AQR: variants seen among roughly 807,000 people sequenced by gnomAD.
The protein encoded by AQR is aquarius intron-binding spliceosomal factor.
In AQR, 61 loss-of-function variants were observed where a neutral mutation model predicts 180.5. That is an observed-to-expected ratio of 0.34 (90% CI 0.28 to 0.42). The LOEUF (loss-of-function observed/expected upper bound fraction) is 0.42. Ranked by LOEUF, AQR falls within the 10% of genes least tolerant of loss-of-function variation. The probability of loss-of-function intolerance (pLI) is 1.00; values close to 1 mark genes in which losing one functional copy is unlikely to be tolerated. For missense variants in AQR, 1,281 were observed against 1,798.3 expected (o/e 0.71, Z 5.20); for synonymous variants, 551 against 588.8 (o/e 0.94, Z 0.93).
chr15:34,890,602 A>G (rs763618661), intron 23 of AQR, among the ~76,000 whole-genome samples: 1 of 152,196 alleles, frequency 6.6e-6, no homozygotes, highest in African/African-American at 2.4e-5. Flanking sequence ...TCCGAGTTGT[A>G]ACAACTCCTA....
intron 9 of AQR, among the ~76,000 whole-genome samples, chr15:34,936,704 A>C (rs369243431): frequency 6.6e-6 from 1 of 151,520 alleles, no homozygotes; most frequent in East Asian, 1.9e-4. Flanking sequence ...AGACAGAATG[A>C]GACTCCATCT....
At chr15:34,966,533 C>G (rs1032854655) in intron 1 of AQR, among the ~76,000 whole-genome samples, 4 of 152,218 alleles carry the variant, frequency 2.6e-5, no homozygotes, top group African/African-American at 9.6e-5. Flanking sequence ...TCTGGCATTT[C>G]TCACATTAAA....
chr15:34,959,881 C>T (rs1302383539), intron 3 of AQR, among the ~76,000 whole-genome samples: 1 of 152,248 alleles, frequency 6.6e-6, no homozygotes, highest in African/African-American at 2.4e-5. Context: ...TGGCTAATGC[C>T]TGTAATCCCA....
At chr15:34,881,640 A>T (rs574673142) in intron 27 of AQR, among the ~76,000 whole-genome samples, 17 of 152,218 alleles carry the variant, frequency 1.1e-4, no homozygotes, top group Non-Finnish European at 2.4e-4. Flanking sequence ...TTATCATATG[A>T]TGAAACCATT....
intron 14 of AQR, 96 bp downstream of exon 14, chr15:34,920,236 G>T: frequency 3.9e-6 from 3 of 768,056 alleles, no homozygotes; most frequent in Non-Finnish European, 4.1e-6. Flanking sequence ...CCTAATCTTT[G>T]GCCCACAAAA....
At chr15:34,875,572 T>C (rs1339267946) in intron 28 of AQR, among the ~76,000 whole-genome samples, 1 of 151,370 alleles carries the variant, frequency 6.6e-6, no homozygotes, top group Non-Finnish European at 1.5e-5. Flanking sequence ...AGCAATGCAC[T>C]CAGTGAAAAT....
chr15:34,894,839 C>T (rs1893207676), intron 22 of AQR, among the ~76,000 whole-genome samples: 1 of 151,720 alleles, frequency 6.6e-6, no homozygotes, highest in African/African-American at 2.4e-5. Context: ...AAAGCAGCCA[C>T]TAAGAAAACA....
rs1234557058 is a variant in AQR, at chr15:34,969,597, T to A, written c.17A>T (p.Gln6Leu). ...CGTAGGGGCCACGATCTTCTTGGGCTGCGCAGGGGCTGCCATGGCAGCACT... is the reference window on the plus strand; with the variant it reads ...CGTAGGGGCCACGATCTTCTTGGGCAGCGCAGGGGCTGCCATGGCAGCACT... Reference protein sequence around the residue: MAAPAQPKKIVAPTVS... With the variant: MAAPALPKKIVAPTVS... The change falls in exon 1 of 35, where the codon CAG (glutamine) becomes CTG (leucine). Residue 6 changes from glutamine to leucine, a missense_variant. Around this residue, in one of 9 missense-constraint regions of AQR, gnomAD observed 404 missense variants for 490.9 expected, o/e 0.82. Transcript: ENST00000156471. The A allele has an allele frequency of 1.9e-6, 3 of 1,613,564 alleles. No homozygotes were observed. Among genetic ancestry groups the A allele is most frequent in the Non-Finnish European group, 2.5e-6 (3 of 1,180,016 alleles).
chr15:34,932,266 G>T, intron 11 of AQR, 52 bp downstream of exon 11: 4 of 1,475,474 alleles, frequency 2.7e-6, no homozygotes, highest in Non-Finnish European at 3.8e-6. Flanking sequence ...GCAAAGAAAA[G>T]ATCAATTTAG....
At chr15:34,895,187 AATATATATATATATATATATAT>A (rs1180797707) in intron 22 of AQR, among the ~76,000 whole-genome samples, 2 of 12,958 alleles carry the variant, frequency 1.5e-4, no homozygotes, top group African/African-American at 2.3e-4. Flanking sequence ...AAAAAAAAAA[AATATATATATATATATATATAT>A]ATATATATAT....
At position 34,856,630 on chromosome 15, in the gene AQR, A is replaced by T. The variant is rs1892588793; in HGVS notation, c.*162T>A. On this transcript the variant is annotated 3_prime_UTR_variant, in exon 35 of 35. Transcript: ENST00000156471. ...GAAACTAGAATTGTTCATACACATAATTTAAAAAAATATATTCAAGACACC... is the reference window on the plus strand; with the variant it reads ...GAAACTAGAATTGTTCATACACATATTTTAAAAAAATATATTCAAGACACC... 1 of 559,458 alleles carries T rather than the reference A, an allele frequency of 1.8e-6. No homozygotes were observed. Among genetic ancestry groups the T allele is most frequent in the Non-Finnish European group, 2.9e-6 (1 of 344,518 alleles). 34.7% of individuals were successfully genotyped at this position (559,458 alleles called of 1,614,324 possible). A position where few individuals can be genotyped will look rare whatever the true frequency, so the allele number is the denominator to read the frequency against.
chr15:34,869,779 CTCTT>C (rs777100554), intron 31 of AQR: 6 of 152,150 alleles, frequency 3.9e-5, no homozygotes, highest in Non-Finnish European at 8.8e-5. Context: ...TACATTTCAT[CTCTT>C]TCTGAGTTCT....
At chr15:34,931,824 C>G (rs1420255358) in intron 11 of AQR, among the ~76,000 whole-genome samples, 1 of 152,076 alleles carries the variant, frequency 6.6e-6, no homozygotes, top group Non-Finnish European at 1.5e-5. Context: ...ATAAACAAAA[C>G]AAAACAAAAC....
chr15:34,876,186 A>T (rs1033807401), intron 27 of AQR, among the ~76,000 whole-genome samples, 180 bp from the exon 28 acceptor site: 1 of 152,230 alleles, frequency 6.6e-6, no homozygotes, highest in African/African-American at 2.4e-5. Flanking sequence ...CTTACTTATC[A>T]TTATGCCTCT....
At chr15:34,898,804 A>C (rs990910325) in intron 20 of AQR, among the ~76,000 whole-genome samples, 5 of 151,120 alleles carry the variant, frequency 3.3e-5, no homozygotes, top group Admixed American at 6.6e-5. Flanking sequence ...GAATGGCGTG[A>C]ACCCGGGAGG....
At position 34,960,790 on chromosome 15, in the gene AQR, CT is replaced by C; in HGVS notation, c.156del (p.Glu53ArgfsTer12). On this transcript the variant is annotated frameshift_variant, in exon 3 of 35. Coordinates refer to ENST00000156471, the MANE Select transcript of AQR (RefSeq NM_014691.3). LOFTEE classifies it high-confidence loss of function. ...CATTCCTACCTTGATTTGACAATCT[CT>C]TTTTCATATATATCTTCAATAACCT... Reference protein sequence around the residue: ...DIKVIEDIYEKEIVKSRFAIR... With the variant: ...DIKVIEDIYEXEIVKSRFAIR... 3 of 928,590 alleles carry C rather than the reference CT, an allele frequency of 3.2e-6. No individual in the cohort carries two copies. Among genetic ancestry groups the C allele is most frequent in the Non-Finnish European group, 3.3e-6 (2 of 613,632 alleles). 57.5% of individuals were successfully genotyped at this position (928,590 alleles called of 1,614,324 possible).
chr15:34,910,825 C>T (rs1421856112), intron 16 of AQR, among the ~76,000 whole-genome samples: 2 of 152,132 alleles, frequency 1.3e-5, no homozygotes, highest in African/African-American at 4.8e-5. Context: ...TAAGATCTAT[C>T]CTGTCAAGTT....
In AQR at chr15:34,874,537, A is replaced by C. The variant is rs192645883; in HGVS notation, c.3425+140T>G. ...TCACATCTCTTGCAGAAGTCGACAA[A>C]AGTGCTTTTGGATTTATGGATAGCC... On this transcript the variant is annotated intron_variant, in intron 29 of 34. Coordinates refer to ENST00000156471, the MANE Select transcript of AQR (RefSeq NM_014691.3). 977 of 916,606 alleles carry C rather than the reference A, an allele frequency of 1.1e-3. 3 individuals are homozygous for C. The highest frequency in any genetic ancestry group is 1.4e-3 in the Non-Finnish European group (875 of 608,624). The allele number at this position is 916,606 out of a possible 1,614,324, so 56.8% of individuals were successfully genotyped here.
rs780166714 is a variant in AQR at position 34,910,128 on chromosome 15, A to G, written c.1663+7T>C. On this transcript the variant is annotated splice_region_variant and intron_variant, in intron 17 of 34. Coordinates refer to ENST00000156471, the MANE Select transcript of AQR (RefSeq NM_014691.3). ...AGGTAATGTCACTTTTTGAAATACA[A>G]ACTTACCTTCCCATTCATCTTTGAT... The G allele has an allele frequency of 3.7e-6, 6 of 1,613,650 alleles. No homozygotes were observed. In the East Asian group the frequency reaches 1.1e-4, roughly 30 times the overall value.
Sources: allele counts gnomAD v4.1 joint callset (sites outside exome capture counted in the v4.1 genomes callset), GRCh38; gene constraint gnomAD v4.1.1; regional missense constraint gnomAD v4.1.1; transcripts MANE v1.5; gene names NCBI Gene and HGNC (gene_info 2026-07-23, HGNC 2026-07-21).